The following IQCM variants were observed in gnomAD, a reference collection of about 807,000 sequenced individuals.
IQCM encodes IQ motif containing M, also known as IQ domain-containing protein M.
IQCM carries 45 observed loss-of-function variants against 57.6 expected under a neutral mutation model. The observed-to-expected ratio is 0.78, with a 90% CI of 0.62 to 1.00. IQCM has a LOEUF of 1.00. IQCM is among the 50% of genes least tolerant of loss of function. IQCM has a pLI of 0.00. For missense variants in IQCM, 468 were observed against 511.6 expected (o/e 0.91, Z 0.82); for synonymous variants, 148 against 158.9 (o/e 0.93, Z 0.51).
chr4:149,359,383 T>C (rs968948806), intron 13 of IQCM, among the ~76,000 whole-genome samples: 1 of 152,170 alleles, frequency 6.6e-6, no homozygotes, highest in Non-Finnish European at 1.5e-5. Flanking sequence ...TGGTTATAAT[T>C]TAGCCTTATA....
intron 12 of IQCM, among the ~76,000 whole-genome samples, chr4:149,442,459 A>C (rs1208477634): frequency 1.3e-5 from 2 of 152,102 alleles, no homozygotes; most frequent in Non-Finnish European, 2.9e-5. Context: ...CTGCACATTC[A>C]ATTCTGGTTA....
intron 12 of IQCM, among the ~76,000 whole-genome samples, chr4:149,530,024 C>A (rs999703626): frequency 2.0e-5 from 3 of 152,266 alleles, no homozygotes; most frequent in Non-Finnish European, 4.4e-5. Flanking sequence ...ATTATCCACT[C>A]CTGCCTTAGG....
In IQCM at chr4:149,487,425, C is replaced by A. The variant is rs184028470; in HGVS notation, c.1229-53868G>T. ...AGAGATGGTGTAAGCACTCCCTTGGCTGTGCCAGTTGGTGTCTCCCTGTCA... is the reference window on the plus strand; with the variant it reads ...AGAGATGGTGTAAGCACTCCCTTGGATGTGCCAGTTGGTGTCTCCCTGTCA... On this transcript the variant is annotated intron_variant, in intron 12 of 13. Coordinates refer to ENST00000636793, the MANE Select transcript of IQCM (RefSeq NM_001363507.2). Among the ~76,000 whole-genome samples the A allele has an allele frequency of 2.2e-4, 34 of 152,182 alleles. 1 individual carries two copies. The highest frequency in any genetic ancestry group is 1.8e-4 in the Non-Finnish European group (12 of 68,030).
intron 2 of IQCM, among the ~76,000 whole-genome samples, chr4:149,792,805 G>A (rs1367860488): frequency 6.6e-6 from 1 of 152,158 alleles, no homozygotes; most frequent in Admixed American, 6.5e-5. Flanking sequence ...AAATACAAGT[G>A]ATGCTGCAAA....
chr4:149,403,168 T>G (rs542875176), intron 13 of IQCM, among the ~76,000 whole-genome samples: 1 of 152,158 alleles, frequency 6.6e-6, no homozygotes, highest in Admixed American at 6.6e-5. Context: ...TGGTGTTCAA[T>G]TCTCCTTAAG....
intron 2 of IQCM, among the ~76,000 whole-genome samples, chr4:149,772,498 C>T (rs972813224): frequency 6.6e-6 from 1 of 151,918 alleles, no homozygotes; most frequent in African/African-American, 2.4e-5. Flanking sequence ...CTTCAAACTG[C>T]TGTGTTTTTC....
intron 5 of IQCM, among the ~76,000 whole-genome samples, chr4:149,696,084 T>C (rs933731510): frequency 2.2e-4 from 34 of 152,278 alleles, no homozygotes; most frequent in African/African-American, 7.7e-4. Flanking sequence ...TAACAAAATG[T>C]TTAGACTGGT....
intron 12 of IQCM, among the ~76,000 whole-genome samples, chr4:149,514,917 T>A (rs1306198446): frequency 6.6e-6 from 1 of 152,162 alleles, no homozygotes; most frequent in African/African-American, 2.4e-5. Flanking sequence ...CTTTCTTCTG[T>A]GCTGGATGCT....
At chr4:149,422,366 C>A (rs1734177544) in intron 13 of IQCM, among the ~76,000 whole-genome samples, 1 of 151,912 alleles carries the variant, frequency 6.6e-6, no homozygotes, top group South Asian at 2.1e-4. Flanking sequence ...GGCTAGGGTA[C>A]CTTAGTCCAA....
chr4:149,630,598 C>T (rs1444457031), intron 7 of IQCM, among the ~76,000 whole-genome samples: 2 of 152,192 alleles, frequency 1.3e-5, no homozygotes, highest in African/African-American at 2.4e-5. Flanking sequence ...CCAAGTTTAT[C>T]GTGTATTGAT....
intron 2 of IQCM, among the ~76,000 whole-genome samples, chr4:149,744,065 A>G (rs781299145): frequency 5.9e-5 from 9 of 152,212 alleles, no homozygotes; most frequent in African/African-American, 9.6e-5. Context: ...GCTTTGCCCT[A>G]TGAAAGTCAG....
intron 7 of IQCM, among the ~76,000 whole-genome samples, chr4:149,647,280 T>C (rs1471474259): frequency 6.6e-6 from 1 of 152,182 alleles, no homozygotes; most frequent in South Asian, 2.1e-4. Context: ...ATTTTTGGCT[T>C]TTTAAATCTT....
chr4:149,696,156 C>T (rs1196720505), intron 5 of IQCM, among the ~76,000 whole-genome samples: 2 of 152,104 alleles, frequency 1.3e-5, no homozygotes, highest in African/African-American at 4.8e-5. Context: ...TCCCAATCTA[C>T]CTTGTACAGT....
At chr4:149,639,689 G>A (rs895169971) in intron 7 of IQCM, among the ~76,000 whole-genome samples, 8 of 152,132 alleles carry the variant, frequency 5.3e-5, no homozygotes, top group Non-Finnish European at 1.2e-4. Flanking sequence ...GGGAGGCTGA[G>A]GTGGGTAGAA....
At chr4:149,472,185 C>T (rs576969370) in intron 12 of IQCM, among the ~76,000 whole-genome samples, 1 of 152,264 alleles carries the variant, frequency 6.6e-6, no homozygotes, top group East Asian at 1.9e-4. Context: ...CAAATTGTCC[C>T]TGTTTGCAGC....
chr4:149,449,714 C>G (rs569209652), intron 12 of IQCM, among the ~76,000 whole-genome samples: 3 of 151,026 alleles, frequency 2.0e-5, no homozygotes, highest in African/African-American at 7.3e-5. Context: ...GAAGAGGCCA[C>G]CAAAAAAGGA....
At chr4:149,723,400 T>A (rs1357405683) in intron 5 of IQCM, among the ~76,000 whole-genome samples, 1 of 152,080 alleles carries the variant, frequency 6.6e-6, no homozygotes, top group Non-Finnish European at 1.5e-5. Context: ...CTTTCATTGT[T>A]CAGCATGTTA....
chr4:149,575,677 A>T (rs1283901163), intron 9 of IQCM, among the ~76,000 whole-genome samples: 1 of 151,862 alleles, frequency 6.6e-6, no homozygotes, highest in Non-Finnish European at 1.5e-5. Flanking sequence ...TAACTAGATC[A>T]TATCAAAGGA....
chr4:149,699,695 CAAAAAAA>C (rs34250922), intron 5 of IQCM, among the ~76,000 whole-genome samples: 34 of 25,936 alleles, frequency 1.3e-3, no homozygotes, highest in South Asian at 2.1e-3. Flanking sequence ...GTTTGAGTGG[CAAAAAAA>C]AAAAAAAAAA....
Sources: gnomAD v4.1 joint callset for allele counts (sites outside exome capture counted in the v4.1 genomes callset) on GRCh38, gnomAD v4.1.1 for gene constraint, MANE v1.5 for transcripts, NCBI Gene and HGNC (gene_info 2026-07-23, HGNC 2026-07-21) for gene names.